ASCC3: variants seen among roughly 807,000 people sequenced by gnomAD.
ASCC3 encodes ASC-1 complex subunit P200.
Under a neutral mutation model 256.3 loss-of-function variants are expected in ASCC3, and 158 were observed. The ratio of observed to expected loss-of-function variants is 0.62; its 90% CI spans 0.54 to 0.70. ASCC3 has a LOEUF of 0.70. Among genes scored for constraint, ASCC3 ranks in the 30% least tolerant of loss-of-function variants. The pLI, the probability that ASCC3 is intolerant of heterozygous loss-of-function variation, is 0.00. For synonymous variants in ASCC3, 948 were observed against 883.4 expected (o/e 1.07, Z -1.30); for missense variants, 2,259 against 2,626.0 (o/e 0.86, Z 3.05).
intron 3 of ASCC3, among the ~76,000 whole-genome samples, chr6:100,863,059 A>T (rs1773302883): frequency 6.6e-6 from 1 of 152,220 alleles, no homozygotes; most frequent in Non-Finnish European, 1.5e-5. Flanking sequence ...GGAAGGCCAG[A>T]TCATGCAAGA....
chr6:100,553,927 T>C (rs1270127954), intron 36 of ASCC3, among the ~76,000 whole-genome samples: 1 of 152,176 alleles, frequency 6.6e-6, no homozygotes, highest in Non-Finnish European at 1.5e-5. Flanking sequence ...ATATACACTA[T>C]TACATAATGG....
intron 36 of ASCC3, among the ~76,000 whole-genome samples, chr6:100,568,419 G>A (rs1770383624): frequency 6.6e-6 from 1 of 151,200 alleles, no homozygotes; most frequent in Non-Finnish European, 1.5e-5. Context: ...TCTCATTGTG[G>A]TTTTGACTTG....
Position 100,587,053 on chromosome 6 carries a change from CATAAT to C in ASCC3, c.5550+2576_5550+2580del, listed in dbSNP as rs1162772083. 3.3e-5 allele frequency among the ~76,000 whole-genome samples: 5 copies of C among 152,144 alleles called. No homozygotes were observed. In the East Asian group the frequency reaches 9.7e-4, roughly 29 times the overall value. ...GTTATATGAGTGAATTGTACAAAAACATAATATGACTTTCTTAAGTATTATAATAA... is the reference window on the plus strand; with the variant it reads ...GTTATATGAGTGAATTGTACAAAAACATGACTTTCTTAAGTATTATAATAA... On this transcript the variant is annotated intron_variant, in intron 36 of 41. Transcript: ENST00000369162.
At chr6:100,688,276 A>G (rs1006158484) in intron 13 of ASCC3, among the ~76,000 whole-genome samples, 1 of 107,160 alleles carries the variant, frequency 9.3e-6, no homozygotes, top group African/African-American at 3.7e-5. Flanking sequence ...TTAAAAAAAA[A>G]AAACAACAAC....
intron 1 of ASCC3, among the ~76,000 whole-genome samples, chr6:100,874,165 T>C (rs705605): frequency 0.71 from 107,300 of 151,940 alleles, 38,115 homozygotes; most frequent in East Asian, 0.75. Flanking sequence ...TTTACAGTTC[T>C]TCAAAACTCA....
At chr6:100,858,779 C>A (rs1262984223) in intron 3 of ASCC3, 2 of 791,106 alleles carry the variant, frequency 2.5e-6, no homozygotes, top group East Asian at 7.1e-5. Flanking sequence ...ATAGCCACAA[C>A]ATTATCACAC....
intron 5 of ASCC3, among the ~76,000 whole-genome samples, chr6:100,804,012 G>A (rs1047523334): frequency 2.0e-5 from 3 of 152,140 alleles, no homozygotes; most frequent in African/African-American, 2.4e-5. Context: ...CCTGAGTTTC[G>A]CATCAGCTAT....
chr6:100,513,686 C>T (rs1327701820), intron 39 of ASCC3, among the ~76,000 whole-genome samples: 1 of 151,976 alleles, frequency 6.6e-6, no homozygotes, highest in Non-Finnish European at 1.5e-5. Flanking sequence ...TAAAATGACA[C>T]ATTAAAAGAT....
chr6:100,516,412 CT>C (rs1332542949), intron 38 of ASCC3, 85 bp from the exon 39 acceptor site: 24 of 1,501,228 alleles, frequency 1.6e-5, no homozygotes, highest in African/African-American at 1.4e-4. Flanking sequence ...ATAATTATAG[CT>C]TTTTTTGTTT....
intron 4 of ASCC3, among the ~76,000 whole-genome samples, chr6:100,834,845 C>A (rs1302369053): frequency 6.6e-6 from 1 of 152,006 alleles, no homozygotes; most frequent in East Asian, 1.9e-4. Flanking sequence ...AGAGATCGGG[C>A]TGTATTATTT....
At chr6:100,779,057 G>A (rs1173881385) in intron 8 of ASCC3, among the ~76,000 whole-genome samples, 1 of 151,968 alleles carries the variant, frequency 6.6e-6, no homozygotes, top group South Asian at 2.1e-4. Context: ...CATAAAAGAT[G>A]AACATTGCAA....
chr6:100,643,032 ATCAT>A (rs1775206875), intron 23 of ASCC3, among the ~76,000 whole-genome samples: 1 of 152,192 alleles, frequency 6.6e-6, no homozygotes, highest in African/African-American at 2.4e-5. Context: ...TTTCCCAAAC[ATCAT>A]TCATTCAATT....
Position 100,662,444 on chromosome 6 carries a change from T to A in ASCC3, c.2379A>T (p.Leu793Phe), listed in dbSNP as rs1776273134. 1 of 1,613,352 alleles carries A rather than the reference T, an allele frequency of 6.2e-7. No individual in the cohort carries two copies. Among genetic ancestry groups the A allele is most frequent in the South Asian group, 1.1e-5 (1 of 91,070 alleles). ...HAGMLRQDRN[L>F]VENLFSNGHI... The stretch of plus-strand genomic sequence containing the variant: ...GCCCATTAGAAAACAAGTTTTCAAC[T>A]AAATTTCTGTCCTGCCGAAGCATTC... The change falls in exon 15 of 42, where the codon TTA (leucine) becomes TTT (phenylalanine). Residue 793 changes from leucine to phenylalanine, a missense_variant. By Grantham distance (22) the Leu-to-Phe change is conservative (BLOSUM62 0). Transcript: ENST00000369162.
chr6:100,520,779 T>C (rs1195668953), intron 37 of ASCC3, among the ~76,000 whole-genome samples: 1 of 152,188 alleles, frequency 6.6e-6, no homozygotes, highest in Non-Finnish European at 1.5e-5. Context: ...TAGTGGGCTA[T>C]ACCATCTAGG....
chr6:100,834,010 G>T (rs961105696), intron 4 of ASCC3, among the ~76,000 whole-genome samples: 1 of 152,190 alleles, frequency 6.6e-6, no homozygotes, highest in African/African-American at 2.4e-5. Context: ...AAGTTGCAGT[G>T]AGCCGAGACA....
At chr6:100,698,308 G>A (rs1302681074) in intron 13 of ASCC3, among the ~76,000 whole-genome samples, 2 of 151,988 alleles carry the variant, frequency 1.3e-5, no homozygotes, top group Non-Finnish European at 2.9e-5. Flanking sequence ...TCATTAAAAA[G>A]TATTCCTTTG....
chr6:100,854,517 A>C (rs747169202), intron 3 of ASCC3, among the ~76,000 whole-genome samples: 2 of 152,336 alleles, frequency 1.3e-5, no homozygotes, highest in Non-Finnish European at 2.9e-5. Flanking sequence ...AATAAAGGAA[A>C]GCAAACAAAG....
intron 10 of ASCC3, among the ~76,000 whole-genome samples, chr6:100,752,903 A>AT (rs1781001806): frequency 6.6e-6 from 1 of 152,182 alleles, no homozygotes. Context: ...AAATGATTTG[A>AT]TAAACCCAAA....
chr6:100,868,474 G>T (rs183558838), intron 1 of ASCC3, among the ~76,000 whole-genome samples: 1 of 152,136 alleles, frequency 6.6e-6, no homozygotes, highest in East Asian at 1.9e-4. Context: ...TGAACTCTTG[G>T]CTTAAAAGAT....
Sources: gnomAD v4.1 joint callset for allele counts (sites outside exome capture counted in the v4.1 genomes callset) on GRCh38, gnomAD v4.1.1 for gene constraint, MANE v1.5 for transcripts, NCBI Gene and HGNC (gene_info 2026-07-23, HGNC 2026-07-21) for gene names.